CYTH3: variants seen among roughly 807,000 people sequenced by gnomAD.
CYTH3 encodes cytohesin-3.
A neutral mutation model predicts 55.1 loss-of-function variants in CYTH3; 23 were observed. That is an observed-to-expected ratio of 0.42 (90% CI 0.30 to 0.59). The LOEUF is 0.59. Among genes scored for constraint, CYTH3 ranks in the 20% least tolerant of loss-of-function variants. The pLI, the probability that CYTH3 is intolerant of heterozygous loss-of-function variation, is 0.20. For missense variants in CYTH3, 413 were observed against 524.8 expected (o/e 0.79, Z 2.08); for synonymous variants, 249 against 194.9 (o/e 1.28, Z -2.31).
rs972988382 is a variant in CYTH3 at position 6,264,462 on chromosome 7, A to G, written c.34+8012T>C. On this transcript the variant is annotated intron_variant, in intron 1 of 12. Transcript: ENST00000350796. Reference sequence around the variant, plus strand: ...CACTGTCTCTAGTAAAATTACAAAAATTAGCTGGGTGTGGTGGCGCCTGCC... The same window carrying G: ...CACTGTCTCTAGTAAAATTACAAAAGTTAGCTGGGTGTGGTGGCGCCTGCC... Among the ~76,000 whole-genome samples the G allele has an allele frequency of 6.6e-5, 10 of 152,116 alleles. No homozygotes were observed. In the East Asian group the frequency reaches 1.7e-3, roughly 27 times the overall value.
Position 6,170,959 on chromosome 7 carries a change from T to G in CYTH3, c.582A>C (p.Ser194=). 6.2e-7 allele frequency: 1 copy of G among 1,613,956 alleles called. No individual in the cohort carries two copies. The highest frequency in any genetic ancestry group is 8.5e-7 in the Non-Finnish European group (1 of 1,179,918). ...TGGTGTTGAGCATGATGATGGCGAA[T>G]GACAGCACGTAGCACGTGTCTGCAA... The part of the protein sequence containing the change: ...FQSTDTCYVL[S]FAIIMLNTSL... Residue 194 remains serine, a synonymous_variant, in exon 8 of 13, where the codon TCA becomes TCC. Coordinates refer to ENST00000350796, the MANE Select transcript of CYTH3 (RefSeq NM_004227.4). This position sits in a 1 kb window ranked among gnomAD's most constrained non-coding sequence, Gnocchi z 7.8.
rs183846447 is a variant in CYTH3, at chr7:6,205,301, C to T, written c.35-14770G>A. Reference sequence around the variant, plus strand: ...AGAAAATACCAACAAAGGCCAGGCACGGTGGCTCACACCTGTAATCCGGAA... The same window carrying T: ...AGAAAATACCAACAAAGGCCAGGCATGGTGGCTCACACCTGTAATCCGGAA... On this transcript the variant is annotated intron_variant, in intron 1 of 12. Coordinates refer to ENST00000350796, the MANE Select transcript of CYTH3 (RefSeq NM_004227.4). 2.2e-4 allele frequency among the ~76,000 whole-genome samples: 34 copies of T among 152,248 alleles called. No individual in the cohort carries two copies. In the East Asian group the frequency reaches 5.6e-3, roughly 25 times the overall value.
chr7:6,173,835 G>C (rs1347002687), intron 5 of CYTH3, 102 bp from the exon 6 acceptor site: 1 of 732,518 alleles, frequency 1.4e-6, no homozygotes, highest in Non-Finnish European at 2.5e-6. Flanking sequence ...TCATGCACAA[G>C]TTTCTGCATG....
At chr7:6,178,436 T>C (rs891273645) in intron 4 of CYTH3, among the ~76,000 whole-genome samples, 1 of 152,186 alleles carries the variant, frequency 6.6e-6, no homozygotes, top group Non-Finnish European at 1.5e-5. Context: ...AGAAATGACC[T>C]TGTGACCCAG....
At chr7:6,214,407 CTTAATT>C (rs1426208438) in intron 1 of CYTH3, among the ~76,000 whole-genome samples, 1 of 152,280 alleles carries the variant, frequency 6.6e-6, no homozygotes, top group African/African-American at 2.4e-5. Context: ...GGCATTTTCC[CTTAATT>C]TTGTGTATAA....
chr7:6,225,650 A>G (rs966556200), intron 1 of CYTH3, among the ~76,000 whole-genome samples: 7 of 150,426 alleles, frequency 4.7e-5, no homozygotes, highest in African/African-American at 1.7e-4. Flanking sequence ...GCCACCGAGC[A>G]TGGCCTGAAA....
intron 1 of CYTH3, among the ~76,000 whole-genome samples, chr7:6,219,002 T>TCA (rs1784486882): frequency 2.1e-5 from 1 of 46,848 alleles, no homozygotes; most frequent in Non-Finnish European, 3.4e-5. Context: ...AGACTCCGTC[T>TCA]CAAAAAAAAA....
At chr7:6,172,795 G>C in intron 6 of CYTH3, 1 of 1,280,738 alleles carries the variant, frequency 7.8e-7, no homozygotes, top group Non-Finnish European at 1.0e-6. Context: ...CTGAACTGCG[G>C]CTGCAGGATT....
At position 6,190,488 on chromosome 7, in the gene CYTH3, G is replaced by C. The variant is rs1478926594; in HGVS notation, c.78C>G (p.Asp26Glu). The part of the protein sequence containing the change: ...LSLEEREELL[D>E]IRRRKKELID... ...TAAGTTCCTTTTTTCTTCGACGAAT[G>C]TCTAGAAGTTCTTCTCTCTCTTCTA... The change falls in exon 2 of 13, where the codon GAC becomes GAG. Residue 26 changes from aspartate to glutamate, a missense_variant. Transcript: ENST00000350796. 1.3e-5 allele frequency: 19 copies of C among 1,470,278 alleles called. No individual in the cohort carries two copies. Among genetic ancestry groups the C allele is most frequent in the Non-Finnish European group, 1.6e-5 (18 of 1,113,724 alleles). 91.1% of individuals were successfully genotyped at this position (1,470,278 alleles called of 1,614,324 possible).
At chr7:6,240,548 C>A (rs187192102) in intron 1 of CYTH3, among the ~76,000 whole-genome samples, 1 of 152,096 alleles carries the variant, frequency 6.6e-6, no homozygotes, top group East Asian at 1.9e-4. Flanking sequence ...CAGAAAGACT[C>A]AGATGGTACT....
intron 1 of CYTH3, among the ~76,000 whole-genome samples, chr7:6,241,677 C>T (rs1779676159): frequency 6.6e-6 from 1 of 152,038 alleles, no homozygotes; most frequent in African/African-American, 2.4e-5. Flanking sequence ...GATAAATAAA[C>T]CGATCCATTA....
At chr7:6,270,421 C>T (rs1780619581) in intron 1 of CYTH3, among the ~76,000 whole-genome samples, 1 of 152,128 alleles carries the variant, frequency 6.6e-6, no homozygotes, top group African/African-American at 2.4e-5. Context: ...GTTGAATGTT[C>T]CAGTGAGATG....
chr7:6,266,287 C>T (rs543374826), intron 1 of CYTH3, among the ~76,000 whole-genome samples: 25 of 152,154 alleles, frequency 1.6e-4, no homozygotes, highest in Non-Finnish European at 3.1e-4. Context: ...AGCTCCATCA[C>T]CTGCTAGCTG....
rs1041915455 is a variant in CYTH3 at position 6,164,627 on chromosome 7, G to A, written c.*317C>T. ...TGTCCTGGCTTCTCCCCCTAGGGGC[G>A]CCGGGATGGTCGCAGGAAGGAAATG... On this transcript the variant is annotated 3_prime_UTR_variant, in exon 13 of 13. Coordinates refer to ENST00000350796, the MANE Select transcript of CYTH3 (RefSeq NM_004227.4). 2.0e-5 allele frequency: 8 copies of A among 391,926 alleles called. No individual in the cohort carries two copies. The highest frequency in any genetic ancestry group is 3.3e-5 in the Non-Finnish European group (7 of 212,656). The allele number at this position is 391,926 out of a possible 1,614,324, so 24.3% of individuals were successfully genotyped here.
At chr7:6,238,553 G>C (rs769446272) in intron 1 of CYTH3, among the ~76,000 whole-genome samples, 2 of 152,136 alleles carry the variant, frequency 1.3e-5, no homozygotes, top group Non-Finnish European at 2.9e-5. Flanking sequence ...GTAAGCAAAA[G>C]TAAATGTAAA....
At chr7:6,177,378 G>A (rs574062181) in intron 5 of CYTH3, among the ~76,000 whole-genome samples, 20 of 152,324 alleles carry the variant, frequency 1.3e-4, no homozygotes, top group Non-Finnish European at 2.6e-4. Flanking sequence ...TAAGCCAGTC[G>A]CAGTCAGAAA....
At chr7:6,259,784 A>AAT (rs71523777) in intron 1 of CYTH3, among the ~76,000 whole-genome samples, 264 of 20,888 alleles carry the variant, frequency 0.013, 2 homozygotes, top group Non-Finnish European at 0.015. Context: ...ATATATATAT[A>AAT]ATATATATAT....
intron 1 of CYTH3, among the ~76,000 whole-genome samples, chr7:6,211,978 G>A (rs149229889): frequency 0.018 from 2,788 of 152,080 alleles, 78 homozygotes; most frequent in African/African-American, 0.047. Context: ...AGAGTGAGAC[G>A]CTGTCTCAAA....
chr7:6,184,632 G>A (rs1473592643), intron 4 of CYTH3, among the ~76,000 whole-genome samples: 1 of 152,082 alleles, frequency 6.6e-6, no homozygotes, highest in South Asian at 2.1e-4. Context: ...CCAGACTGGA[G>A]TGCAGTGATG....
Sources: gnomAD v4.1 joint callset for allele counts (sites outside exome capture counted in the v4.1 genomes callset) on GRCh38, gnomAD v4.1.1 for gene constraint, Gnocchi (gnomAD v3.1) non-coding constraint, MANE v1.5 for transcripts, NCBI Gene and HGNC (gene_info 2026-07-23, HGNC 2026-07-21) for gene names.